The following PRKACB variants were observed in gnomAD, a reference collection of about 807,000 sequenced individuals.
PRKACB encodes the protein protein kinase cAMP-activated catalytic subunit beta.
A neutral mutation model predicts 51.4 loss-of-function variants in PRKACB; 16 were observed. The observed-to-expected ratio is 0.31, with a 90% CI of 0.21 to 0.47. The LOEUF (loss-of-function observed/expected upper bound fraction) is 0.47. Ranked by LOEUF, PRKACB falls within the 20% of genes least tolerant of loss-of-function variation. The probability of loss-of-function intolerance (pLI) is 1.00; values close to 1 mark genes in which losing one functional copy is unlikely to be tolerated. For missense variants in PRKACB, 309 were observed against 464.5 expected (o/e 0.67, Z 3.08); for synonymous variants, 147 against 154.4 (o/e 0.95, Z 0.35).
At chr1:84,131,501 AAAAC>A (rs1446125362) in intron 1 of PRKACB, among the ~76,000 whole-genome samples, 1 of 152,218 alleles carries the variant, frequency 6.6e-6, no homozygotes, top group Non-Finnish European at 1.5e-5. Context: ...ATGGAAGTGA[AAAAC>A]AGAGAGAAGA....
chr1:84,122,901 G>A (rs1651208170), intron 1 of PRKACB, among the ~76,000 whole-genome samples: 1 of 152,046 alleles, frequency 6.6e-6, no homozygotes, highest in Non-Finnish European at 1.5e-5. Context: ...CTAAACTTGT[G>A]TTTATCTTAT....
At chr1:84,137,804 G>A (rs2642183) in intron 1 of PRKACB, among the ~76,000 whole-genome samples, 30,988 of 152,068 alleles carry the variant, frequency 0.2, 3,365 homozygotes, top group South Asian at 0.28. Flanking sequence ...ATAAGTTGAT[G>A]GTGGATGGTG....
chr1:84,151,072 C>CA (rs1024783641), intron 1 of PRKACB, among the ~76,000 whole-genome samples: 1 of 151,994 alleles, frequency 6.6e-6, no homozygotes, highest in African/African-American at 2.4e-5. Flanking sequence ...TTTTTCATGG[C>CA]AAAAAATTTA....
chr1:84,139,371 A>G (rs1653154826), upstream of PRKACB, among the ~76,000 whole-genome samples: 1 of 152,220 alleles, frequency 6.6e-6, no homozygotes, highest in Admixed American at 6.5e-5. Context: ...ACAATGTATT[A>G]GTTTGGTACA....
At chr1:84,213,571 A>G (rs1246642038) in intron 8 of PRKACB, among the ~76,000 whole-genome samples, 2 of 152,176 alleles carry the variant, frequency 1.3e-5, no homozygotes, top group East Asian at 1.9e-4. Context: ...TTTTAAACCA[A>G]TCTAAATCAT....
At chr1:84,136,598 A>G (rs567238804) in intron 1 of PRKACB, among the ~76,000 whole-genome samples, 2 of 152,244 alleles carry the variant, frequency 1.3e-5, no homozygotes, top group African/African-American at 4.8e-5. Flanking sequence ...TGAAAATGGC[A>G]CAACCACTTT....
chr1:84,161,947 T>C (rs573689332), intron 1 of PRKACB, among the ~76,000 whole-genome samples: 1 of 152,102 alleles, frequency 6.6e-6, no homozygotes, highest in African/African-American at 2.4e-5. Context: ...TGAGCTGTTG[T>C]CTAGTATTAT....
At chr1:84,092,875 T>C (rs1648593623) in intron 1 of PRKACB, among the ~76,000 whole-genome samples, 1 of 151,978 alleles carries the variant, frequency 6.6e-6, no homozygotes, top group South Asian at 2.1e-4. Flanking sequence ...ATATCCTCTT[T>C]TTATAAAATG....
At chr1:84,141,914 A>G (rs1410873653), upstream of PRKACB, among the ~76,000 whole-genome samples, 1 of 152,166 alleles carries the variant, frequency 6.6e-6, no homozygotes, top group African/African-American at 2.4e-5. Context: ...CACTGAGTAA[A>G]AATGTAATTC....
At chr1:84,195,708 T>A (rs571419829) in intron 5 of PRKACB, among the ~76,000 whole-genome samples, 2 of 152,160 alleles carry the variant, frequency 1.3e-5, no homozygotes, top group South Asian at 2.1e-4. Flanking sequence ...AGGTCAGGTA[T>A]TCGAGACCAG....
At position 84,084,816 on chromosome 1, in the gene PRKACB, C is replaced by A. The variant is rs564840873; in HGVS notation, c.46+6445C>A. Among the ~76,000 whole-genome samples the A allele has an allele frequency of 1.9e-4, 29 of 152,194 alleles. 1 individual carries two copies. In the South Asian group the frequency reaches 6.0e-3, roughly 32 times the overall value. Reference sequence around the variant, plus strand: ...AGTACATTGGGGGTTGGGGTGGGGACTTACTGAACTCGGGATACCCGTGGC... The same window carrying A: ...AGTACATTGGGGGTTGGGGTGGGGAATTACTGAACTCGGGATACCCGTGGC... On this transcript the variant is annotated intron_variant, in intron 1 of 8. Coordinates refer to the PRKACB transcript ENST00000370688.
At chr1:84,117,843 TCTTG>T (rs1239913124) in intron 1 of PRKACB, among the ~76,000 whole-genome samples, 1 of 152,244 alleles carries the variant, frequency 6.6e-6, no homozygotes, top group African/African-American at 2.4e-5. Flanking sequence ...TTTAATTTGT[TCTTG>T]CTTTTCTATT....
In PRKACB at chr1:84,229,123, T is replaced by A. The variant is rs569355394; in HGVS notation, c.1072-6057T>A. 6.6e-3 allele frequency among the ~76,000 whole-genome samples: 923 copies of A among 140,230 alleles called. 7 individuals are homozygous for A. Among genetic ancestry groups the A allele is most frequent in the African/African-American group, 0.024 (870 of 36,920 alleles). The allele number at this position is 140,230 out of a possible 152,430, so 92.0% of individuals were successfully genotyped here. On this transcript the variant is annotated intron_variant, in intron 9 of 9. Transcript: ENST00000370685. The stretch of plus-strand genomic sequence containing the variant: ...CAGTCCCCAGAGTATGATGTTCCCC[T>A]TCCTGTGTCCATGTGTTCTCATTGT...
At chr1:84,139,208 A>C (rs893180474) in intron 1 of PRKACB, among the ~76,000 whole-genome samples, 10 of 152,318 alleles carry the variant, frequency 6.6e-5, no homozygotes, top group African/African-American at 2.4e-4. Context: ...CAAGACAAAT[A>C]AATAAAAGGC....
intron 5 of PRKACB, among the ~76,000 whole-genome samples, chr1:84,194,348 G>A (rs1667620461): frequency 6.6e-6 from 1 of 152,154 alleles, no homozygotes. Flanking sequence ...TTCACACTGA[G>A]ACACTTGCCT....
intron 1 of PRKACB, among the ~76,000 whole-genome samples, chr1:84,150,389 ACTTC>A (rs1571834912): frequency 2.0e-5 from 3 of 152,178 alleles, no homozygotes; most frequent in Admixed American, 2.0e-4. Flanking sequence ...GGCCCATTAT[ACTTC>A]CTTCTGTTAC....
intron 1 of PRKACB, among the ~76,000 whole-genome samples, chr1:84,150,397 C>G (rs2100637269): frequency 6.6e-6 from 1 of 152,250 alleles, no homozygotes; most frequent in South Asian, 2.1e-4. Context: ...ATACTTCCTT[C>G]TGTTACAACT....
At chr1:84,230,673 T>C (rs1413878314) in intron 9 of PRKACB, among the ~76,000 whole-genome samples, 2 of 149,902 alleles carry the variant, frequency 1.3e-5, no homozygotes, top group African/African-American at 4.9e-5. Flanking sequence ...GATTCCTAGG[T>C]ATTTTATTCT....
chr1:84,114,953 T>A (rs964584789), intron 1 of PRKACB, among the ~76,000 whole-genome samples: 1 of 152,226 alleles, frequency 6.6e-6, no homozygotes. Flanking sequence ...AACATTTAGT[T>A]TGATTCCATA....
Sources: gnomAD v4.1 joint callset for allele counts (sites outside exome capture counted in the v4.1 genomes callset) on GRCh38, gnomAD v4.1.1 for gene constraint, MANE v1.5 for transcripts, NCBI Gene and HGNC (gene_info 2026-07-23, HGNC 2026-07-21) for gene names.